Variants in ABR observed in about 807,000 individuals in gnomAD.
ABR encodes the protein active breakpoint cluster region-related protein.
In ABR, 35 loss-of-function variants were observed where a neutral mutation model predicts 107.2. That is an observed-to-expected ratio of 0.33 (90% CI 0.25 to 0.43). The LOEUF is 0.43. Ranked by LOEUF, ABR falls within the 20% of genes least tolerant of loss-of-function variation. The pLI is 1.00. For synonymous variants in ABR, 498 were observed against 462.0 expected, an observed-to-expected ratio of 1.08 and a Z score of -1.00; for missense variants, 815 against 1,115.2, an observed-to-expected ratio of 0.73 and a Z score of 3.83.
At chr17:1,134,679 G>A (rs9916118) in intron 1 of ABR, among the ~76,000 whole-genome samples, 62,257 of 152,052 alleles carry the variant, frequency 0.41, 13,090 homozygotes, top group South Asian at 0.47. Flanking sequence ...CCGGCAAGGC[G>A]GACCGGAGGG....
At chr17:1,191,061 G>GGC (rs543183445), upstream of ABR, among the ~76,000 whole-genome samples, 11 of 152,314 alleles carry the variant, frequency 7.2e-5, no homozygotes, top group South Asian at 2.3e-3. Context: ...CCGGCCCGAG[G>GGC]GCGCTATACA....
upstream of ABR, among the ~76,000 whole-genome samples, chr17:1,189,124 C>T (rs1429550967): frequency 6.6e-6 from 1 of 152,098 alleles, no homozygotes; most frequent in Non-Finnish European, 1.5e-5. Flanking sequence ...CGTGTTCTCC[C>T]GAAAGGAGAG....
intron 1 of ABR, among the ~76,000 whole-genome samples, chr17:1,206,937 T>C (rs969318906): frequency 6.6e-6 from 1 of 151,900 alleles, no homozygotes; most frequent in African/African-American, 2.4e-5. Flanking sequence ...ATACAAAATT[T>C]AGCTGGGCGT....
At position 1,125,285 on chromosome 17, in the gene ABR, C is replaced by A. The variant is rs138742934; in HGVS notation, c.144G>T (p.Pro48=). 318 of 1,613,884 alleles carry A rather than the reference C, an allele frequency of 2.0e-4. No homozygotes were observed. The highest frequency in any genetic ancestry group is 3.3e-4 in the Middle Eastern group (2 of 6,056). ...KGPPEGSETM[P]YIDESPTMSP... is the part of the protein sequence containing the mutation. ...ACATGGTGGGCGACTCATCGATGTA[C>A]GGCATGGTCTCTGAGCCCTCCGGGG... Residue 48 remains proline (P), a synonymous_variant, in exon 2 of 23, where the codon CCG becomes CCT. Coordinates refer to ENST00000302538, the MANE Select transcript of ABR (RefSeq NM_021962.5).
Position 1,011,184 on chromosome 17 carries a change from T to G in ABR, c.2102-321A>C. 1 of 356,972 alleles carries G rather than the reference T, an allele frequency of 2.8e-6. No homozygotes were observed. Among genetic ancestry groups the G allele is most frequent in the South Asian group, 3.0e-5 (1 of 33,174 alleles). The allele number at this position is 356,972 out of a possible 1,614,324, so 22.1% of individuals were successfully genotyped here. A position where few individuals can be genotyped will look rare whatever the true frequency, so the allele number is the denominator to read the frequency against. Reference sequence around the variant, plus strand: ...CTTCCTTCCGACTGGAACCTCTCCATCGCTAAGCCCCTCTCTGGAAGGCAT... The same window carrying G: ...CTTCCTTCCGACTGGAACCTCTCCAGCGCTAAGCCCCTCTCTGGAAGGCAT... On this transcript the variant is annotated intron_variant, in intron 19 of 22. Transcript: ENST00000302538. This position sits in a 1 kb window ranked among gnomAD's most constrained non-coding sequence, Gnocchi z 4.8.
rs2070418178 is a variant in ABR at position 1,010,275 on chromosome 17, A to G, written c.2236+454T>C. 1 of 219,042 alleles carries G rather than the reference A, an allele frequency of 4.6e-6. No individual in the cohort carries two copies. Among genetic ancestry groups the G allele is most frequent in the African/African-American group, 2.2e-5 (1 of 44,536 alleles). The allele number at this position is 219,042 out of a possible 1,614,324, so 13.6% of individuals were successfully genotyped here. A position where few individuals can be genotyped will look rare whatever the true frequency, so the allele number is the denominator to read the frequency against. On this transcript the variant is annotated intron_variant, in intron 20 of 22. Coordinates refer to ENST00000302538, the MANE Select transcript of ABR (RefSeq NM_021962.5). The surrounding 1 kb of genome is among the most constrained non-coding windows in gnomAD (Gnocchi z 4.1). The stretch of plus-strand genomic sequence containing the variant: ...GGCTGGGTTTGGCCCAGGTGGGTGG[A>G]GGCGGAAGGCCTGCTGGCCGGGGCC...
At chr17:1,223,229 C>G (rs2043150418) in intron 1 of ABR, among the ~76,000 whole-genome samples, 1 of 151,550 alleles carries the variant, frequency 6.6e-6, no homozygotes, top group Non-Finnish European at 1.5e-5. Context: ...TAAAAATTAG[C>G]CGGGCTTGGT....
At chr17:1,153,073 A>G (rs1449705578) in intron 1 of ABR, among the ~76,000 whole-genome samples, 1 of 152,046 alleles carries the variant, frequency 6.6e-6, no homozygotes, top group Non-Finnish European at 1.5e-5. Context: ...ACTCCGTTAA[A>G]AAAAAAATTT....
rs1426995953 is a variant in ABR at position 1,051,864 on chromosome 17, A to G, written c.1562-1230T>C. Among the ~76,000 whole-genome samples, 2 of 152,172 alleles carry G rather than the reference A, an allele frequency of 1.3e-5. No homozygotes were observed. The highest frequency in any genetic ancestry group is 2.4e-5 in the African/African-American group (1 of 41,442). On this transcript the variant is annotated intron_variant, in intron 14 of 22. Coordinates refer to ENST00000302538, the MANE Select transcript of ABR (RefSeq NM_021962.5). This position sits in a 1 kb window ranked among gnomAD's most constrained non-coding sequence, Gnocchi z 4.3. ...CAAGGTGGGCAGATCACCTGAGGTC[A>G]GGAGTTTGAGACCAGCCTGACCAAC...
rs1467346888 is a variant in ABR at position 1,150,208 on chromosome 17, AT to A, written c.62-24842del. On this transcript the variant is annotated intron_variant, in intron 1 of 22. Coordinates refer to ENST00000302538, the MANE Select transcript of ABR (RefSeq NM_021962.5). This position sits in a 1 kb window ranked among gnomAD's most constrained non-coding sequence, Gnocchi z 4.8. ...GCCACCGCGCCCGGCCTGTGTCAGA[AT>A]TTTTTTTGTTACCCACCTGACAAAG... 6.6e-6 allele frequency among the ~76,000 whole-genome samples: 1 copy of A among 151,904 alleles called. No individual in the cohort carries two copies. Among genetic ancestry groups the A allele is most frequent in the Non-Finnish European group, 1.5e-5 (1 of 67,968 alleles).
chr17:1,028,714 CAG>C (rs1341191426), intron 16 of ABR, among the ~76,000 whole-genome samples: 1 of 152,192 alleles, frequency 6.6e-6, no homozygotes, highest in East Asian at 1.9e-4. Context: ...TGCTTCAGGG[CAG>C]AGACAAGGTC....
intron 16 of ABR, among the ~76,000 whole-genome samples, chr17:1,013,974 C>T (rs115963656): frequency 0.012 from 1,788 of 152,366 alleles, 30 homozygotes; most frequent in African/African-American, 0.041. Flanking sequence ...CGCTCCCTGG[C>T]ACTTTCTGAA....
At chr17:1,026,922 G>A (rs1462544762) in intron 16 of ABR, among the ~76,000 whole-genome samples, 2 of 151,922 alleles carry the variant, frequency 1.3e-5, no homozygotes, top group Non-Finnish European at 2.9e-5. Context: ...CAGGCTTGGG[G>A]GCGCTTCCAA....
chr17:1,183,488 T>C (rs2042198529), upstream of ABR, among the ~76,000 whole-genome samples: 1 of 152,148 alleles, frequency 6.6e-6, no homozygotes, highest in South Asian at 2.1e-4. Flanking sequence ...TTCAAGGCTA[T>C]TTGCCCTGCT....
Position 1,179,281 on chromosome 17 carries a change from C to T in ABR, c.61+386G>A, listed in dbSNP as rs1187410614. Among the ~76,000 whole-genome samples the T allele has an allele frequency of 6.6e-6, 1 of 152,086 alleles. No individual in the cohort carries two copies. The highest frequency in any genetic ancestry group is 1.5e-5 in the Non-Finnish European group (1 of 67,986). On this transcript the variant is annotated intron_variant, in intron 1 of 22. Transcript: ENST00000302538. The surrounding 1 kb of genome is among the most constrained non-coding windows in gnomAD (Gnocchi z 4.9). ...GGCTTCAGCCTGGACAGAGAAGCTG[C>T]CGGTCCAGGGGCGGGGGCAGCACCC...
At chr17:1,227,739 T>G (rs1001754582) in intron 1 of ABR, among the ~76,000 whole-genome samples, 2 of 152,114 alleles carry the variant, frequency 1.3e-5, no homozygotes, top group Non-Finnish European at 2.9e-5. Flanking sequence ...TCCGCGTGGC[T>G]GAGGAGACCG....
At chr17:1,019,320 C>T (rs1318027353) in intron 16 of ABR, among the ~76,000 whole-genome samples, 1 of 152,242 alleles carries the variant, frequency 6.6e-6, no homozygotes, top group Non-Finnish European at 1.5e-5. Context: ...CTAAGATCTA[C>T]CCTCTGCAGC....
rs530060082 is a variant in ABR at position 1,082,928 on chromosome 17, A to G, written c.639+592T>C. Among the ~76,000 whole-genome samples, 328 of 152,192 alleles carry G rather than the reference A, an allele frequency of 2.2e-3. 2 individuals carry two copies. The highest frequency in any genetic ancestry group is 6.6e-3 in the African/African-American group (275 of 41,532). The stretch of plus-strand genomic sequence containing the variant: ...GGGCACATCACCCGAGTTCGAGACC[A>G]GCCTGGCCAACACGGCAAAACCTCA... On this transcript the variant is annotated intron_variant, in intron 5 of 22. Coordinates refer to ENST00000302538, the MANE Select transcript of ABR (RefSeq NM_021962.5).
chr17:1,208,261 G>A (rs1381444999), intron 1 of ABR, among the ~76,000 whole-genome samples: 1 of 152,182 alleles, frequency 6.6e-6, no homozygotes, highest in Non-Finnish European at 1.5e-5. Context: ...CTGGGCAACT[G>A]ACACACAGGA....
Sources: gnomAD v4.1 joint callset for allele counts (sites outside exome capture counted in the v4.1 genomes callset) on GRCh38, gnomAD v4.1.1 for gene constraint, Gnocchi (gnomAD v3.1) non-coding constraint, MANE v1.5 for transcripts, NCBI Gene and HGNC (gene_info 2026-07-23, HGNC 2026-07-21) for gene names.